Variants in TAF6L observed in about 807,000 individuals in gnomAD.
The protein encoded by TAF6L is TATA-box binding protein associated factor 6 like, also known as TAF6-like RNA polymerase II p300/CBP-associated factor-associated factor 65 kDa subunit 6L.
In TAF6L, 34 loss-of-function variants were observed where a neutral mutation model predicts 57.3. That is an observed-to-expected ratio of 0.59 (90% CI 0.45 to 0.79). The LOEUF (loss-of-function observed/expected upper bound fraction) is 0.79, where lower values mean the gene tolerates loss of function less well. Among genes scored for constraint, TAF6L ranks in the 30% least tolerant of loss-of-function variants. The probability of loss-of-function intolerance (pLI) is 0.00; values close to 1 mark genes in which losing one functional copy is unlikely to be tolerated. For missense variants in TAF6L, 782 were observed against 853.2 expected, an observed-to-expected ratio of 0.92 and a Z score of 1.04; for synonymous variants, 417 against 376.3, an observed-to-expected ratio of 1.11 and a Z score of -1.25.
At chr11:62,772,446 C>T (rs549963441) in intron 1 of TAF6L, among the ~76,000 whole-genome samples, 1 of 150,796 alleles carries the variant, frequency 6.6e-6, no homozygotes, top group Admixed American at 6.6e-5. Context: ...TTGCTTGAAC[C>T]AGGGAGGCAG....
intron 6 of TAF6L, among the ~76,000 whole-genome samples, chr11:62,781,241 A>G (rs935302006): frequency 2.4e-4 from 34 of 140,916 alleles, no homozygotes; most frequent in African/African-American, 8.9e-4. Context: ...ATCTCAAAGA[A>G]AAAAAAAAAA....
intron 6 of TAF6L, among the ~76,000 whole-genome samples, chr11:62,781,396 G>A (rs1029188463): frequency 6.6e-5 from 10 of 152,052 alleles, no homozygotes; most frequent in Non-Finnish European, 1.2e-4. Context: ...TTGGATGGCC[G>A]GGCGCGGTGG....
intron 1 of TAF6L, among the ~76,000 whole-genome samples, chr11:62,775,461 A>G (rs1295012181): frequency 6.6e-6 from 1 of 152,228 alleles, no homozygotes; most frequent in Non-Finnish European, 1.5e-5. Flanking sequence ...TGCCTGTTTT[A>G]CAGTTTAGGA....
chr11:62,775,760 T>G lies in TAF6L; in HGVS notation c.-13-11T>G, dbSNP rs1242325163. 1 of 1,593,640 alleles carries G rather than the reference T, an allele frequency of 6.3e-7. No homozygotes were observed. The highest frequency in any genetic ancestry group is 8.5e-7 in the Non-Finnish European group (1 of 1,174,000). On this transcript the variant is annotated splice_polypyrimidine_tract_variant and intron_variant, in intron 1 of 10. Coordinates refer to ENST00000294168, the MANE Select transcript of TAF6L (RefSeq NM_006473.4). ...TGGGCAGCTTTTCCAGTCTTCATTC[T>G]CCACTCCCAGCTCCACTGGGGCCAT...
At chr11:62,772,077 T>G (rs1020470653) in intron 1 of TAF6L, 1 of 456,234 alleles carries the variant, frequency 2.2e-6, no homozygotes, top group East Asian at 7.0e-5. Context: ...CAGTGCTTAC[T>G]TCATGATCTT....
At chr11:62,786,461 T>C in intron 10 of TAF6L, 56 bp from the exon 11 acceptor site, 2 of 1,594,486 alleles carry the variant, frequency 1.3e-6, no homozygotes, top group Non-Finnish European at 1.7e-6. Context: ...TTTGGAATAT[T>C]TGATGGGCCC....
chr11:62,786,084 C>A (rs924325045), intron 9 of TAF6L, 176 bp from the exon 10 acceptor site: 1 of 714,364 alleles, frequency 1.4e-6, no homozygotes, highest in Non-Finnish European at 2.3e-6. Context: ...CAATGCCTAG[C>A]TTAGGTATAC....
intron 6 of TAF6L, among the ~76,000 whole-genome samples, chr11:62,781,245 A>AAAAAAAG (rs59344445): frequency 0.14 from 20,775 of 150,978 alleles, 2,416 homozygotes; most frequent in African/African-American, 0.32. Flanking sequence ...CAAAGAAAAA[A>AAAAAAAG]AAAAAAGAAA....
intron 8 of TAF6L, 75 bp downstream of exon 8, chr11:62,782,408 G>T (rs1307542116): frequency 1.3e-6 from 2 of 1,493,974 alleles, no homozygotes; most frequent in Admixed American, 3.7e-5. Context: ...ATGGGGCGAA[G>T]CCTCTGGCTT....
intron 1 of TAF6L, 151 bp from the exon 2 acceptor site, chr11:62,775,620 G>A (rs2084180416): frequency 1.3e-6 from 1 of 781,332 alleles, no homozygotes; most frequent in Non-Finnish European, 2.0e-6. Flanking sequence ...TTCCTTCTCT[G>A]AGCCTCACTT....
chr11:62,778,184 T>C, intron 4 of TAF6L, 56 bp downstream of exon 4: 1 of 1,613,248 alleles, frequency 6.2e-7, no homozygotes, highest in Non-Finnish European at 8.5e-7. Context: ...TGAAGAGAAG[T>C]GGTGATGGGC....
In TAF6L at chr11:62,782,084, C is replaced by CCCTCAAGAGGGTCA. The variant is rs749587120; in HGVS notation, c.607-26_607-25insCAAGAGGGTCACCT. Reference sequence around the variant, plus strand: ...TGGGCTCCTGCCTGTCCCCTCATGTCCCTGTAAGCTACCCTCTTCTCCCAA... The same window carrying CCCTCAAGAGGGTCA: ...TGGGCTCCTGCCTGTCCCCTCATGTCCCTCAAGAGGGTCACCTGTAAGCTACCCTCTTCTCCCAA... On this transcript the variant is annotated intron_variant, in intron 7 of 10. Transcript: ENST00000294168. The CCCTCAAGAGGGTCA allele has an allele frequency of 2.5e-6, 4 of 1,591,236 alleles. No homozygotes were observed. The East Asian group carries it at 6.7e-5, about 27-fold the overall frequency.
At chr11:62,777,454 A>G (rs2084196030) in intron 3 of TAF6L, among the ~76,000 whole-genome samples, 1 of 152,050 alleles carries the variant, frequency 6.6e-6, no homozygotes, top group Non-Finnish European at 1.5e-5. Flanking sequence ...AGAGGAGGCC[A>G]CTGGAGGCCC....
chr11:62,782,693 G>A lies in TAF6L; in HGVS notation c.828G>A (p.Trp276Ter). The A allele has an allele frequency of 1.2e-6, 2 of 1,611,936 alleles. No homozygotes were observed. Among genetic ancestry groups the A allele is most frequent in the Non-Finnish European group, 1.7e-6 (2 of 1,179,806 alleles). ...CCCTAACTGAATGGTGCTCCCACAG[G>A]ACTCATGGGGACCTTGTAAGTGGCC... ...GAALLLSHIF[W>*]THGDLVSGLY... The change falls in exon 9 of 11, where the codon TGG becomes TGA. Residue 276 changes from tryptophan (W) to a stop codon, truncating the protein, a stop_gained and splice_region_variant. Coordinates refer to ENST00000294168, the MANE Select transcript of TAF6L (RefSeq NM_006473.4). LOFTEE classifies it high-confidence loss of function.
At chr11:62,776,931 G>A (rs934171811) in intron 3 of TAF6L, among the ~76,000 whole-genome samples, 61 of 151,496 alleles carry the variant, frequency 4.0e-4, no homozygotes, top group Non-Finnish European at 4.6e-4. Flanking sequence ...GGCGGATCAC[G>A]AAGTCAGGAG....
rs1475439693 is a variant in TAF6L, at chr11:62,787,238, C to G, written c.1811C>G (p.Thr604Ser). 2.6e-6 allele frequency: 4 copies of G among 1,567,274 alleles called. No individual in the cohort carries two copies. Among genetic ancestry groups the G allele is most frequent in the Admixed American group, 1.8e-5 (1 of 56,098 alleles). Residue 604 changes from threonine (T) to serine (S), a missense_variant, in exon 11 of 11, where the codon ACC (threonine) becomes AGC (serine). By Grantham distance (58) the Thr-to-Ser change is moderately conservative. This residue lies in a region of TAF6L where 483 missense variants were observed against 445.1 expected (regional missense o/e 1.09). Transcript: ENST00000294168. ...CAGAAACTGCCCATGATCGGCCGTACCAGCCGCCCCGCCCGCCGGTGGGCG... is the reference window on the plus strand; with the variant it reads ...CAGAAACTGCCCATGATCGGCCGTAGCAGCCGCCCCGCCCGCCGGTGGGCG... Reference protein sequence around the residue: ...YVQKLPMIGRTSRPARRWALS... With the variant: ...YVQKLPMIGRSSRPARRWALS...
chr11:62,776,183 C>T (rs2084186874), intron 2 of TAF6L, among the ~76,000 whole-genome samples: 5 of 152,130 alleles, frequency 3.3e-5, no homozygotes, highest in Non-Finnish European at 2.9e-5. Flanking sequence ...TCACATTCTG[C>T]ATGTGAGAAA....
intron 1 of TAF6L, among the ~76,000 whole-genome samples, chr11:62,775,426 GA>G (rs2084179451): frequency 6.6e-6 from 1 of 152,224 alleles, no homozygotes; most frequent in African/African-American, 2.4e-5. Context: ...GCAACCCTGT[GA>G]GCTAGAGAGG....
intron 1 of TAF6L, 130 bp from the exon 2 acceptor site, chr11:62,775,641 G>A (rs1267563918): frequency 1.0e-6 from 1 of 957,814 alleles, no homozygotes; most frequent in Non-Finnish European, 1.5e-6. Flanking sequence ...TCCTCATCTG[G>A]GTACTCAGAG....
Sources: gnomAD v4.1 joint callset for allele counts (sites outside exome capture counted in the v4.1 genomes callset) on GRCh38, gnomAD v4.1.1 for gene constraint, gnomAD v4.1.1 regional missense constraint, MANE v1.5 for transcripts, NCBI Gene and HGNC (gene_info 2026-07-23, HGNC 2026-07-21) for gene names.